PRDM8: variants seen among roughly 807,000 people sequenced by gnomAD.
PRDM8 encodes PR domain zinc finger protein 8.
In PRDM8, 13 loss-of-function variants were observed where a neutral mutation model predicts 46.5. That is an observed-to-expected ratio of 0.28 (90% CI 0.18 to 0.44). The LOEUF (loss-of-function observed/expected upper bound fraction) is 0.44. Ranked by LOEUF, PRDM8 falls within the 20% of genes least tolerant of loss-of-function variation. PRDM8 has a pLI of 1.00. For synonymous variants in PRDM8, 473 were observed against 438.4 expected, an observed-to-expected ratio of 1.08 and a Z score of -0.98; for missense variants, 998 against 955.0, an observed-to-expected ratio of 1.04 and a Z score of -0.59.
rs777299860 is a variant in PRDM8, at chr4:80,202,931, A to G, written c.1469A>G (p.Gln490Arg). The G allele has an allele frequency of 1.2e-5, 18 of 1,442,810 alleles. No homozygotes were observed. The South Asian group carries it at 2.2e-4, about 18-fold the overall frequency. 89.4% of individuals were successfully genotyped at this position (1,442,810 alleles called of 1,614,324 possible). The change falls in exon 4 of 4, where the codon CAG becomes CGG. Residue 490 changes from glutamine to arginine, a missense_variant. Coordinates refer to ENST00000415738, the MANE Select transcript of PRDM8 (RefSeq NM_001099403.2). ...GCCGCAGGCGGCGCGGGCGGGGGCCAGGGCGCCGCGTCGGACGAGCGCAAA... is the reference window on the plus strand; with the variant it reads ...GCCGCAGGCGGCGCGGGCGGGGGCCGGGGCGCCGCGTCGGACGAGCGCAAA... ...AGAAGGAGGG[Q>R]GAASDERKSA...
At chr4:80,186,029 C>T (rs908279801) in intron 1 of PRDM8, among the ~76,000 whole-genome samples, 1 of 152,112 alleles carries the variant, frequency 6.6e-6, no homozygotes, top group African/African-American at 2.4e-5. Flanking sequence ...AAGGAAAAGG[C>T]GCGCGGTACT....
chr4:80,193,128 T>A (rs558718531), upstream of PRDM8, among the ~76,000 whole-genome samples: 11 of 151,988 alleles, frequency 7.2e-5, no homozygotes, highest in Admixed American at 2.0e-4. Context: ...AAAGTATGAG[T>A]CAGAAGTAAT....
intron 1 of PRDM8, among the ~76,000 whole-genome samples, chr4:80,199,428 G>A (rs1738247844): frequency 6.6e-6 from 1 of 152,140 alleles, no homozygotes; most frequent in Non-Finnish European, 1.5e-5. Flanking sequence ...TTATGGTAAT[G>A]AGCAGACATA....
intron 1 of PRDM8, 50 bp downstream of exon 1, chr4:80,197,813 G>A: frequency 2.0e-6 from 2 of 977,310 alleles, no homozygotes; most frequent in Non-Finnish European, 2.4e-6. Flanking sequence ...AAGACAGTTT[G>A]GTGGAAAGAG....
At chr4:80,188,604 C>G (rs1737300000) in intron 1 of PRDM8, among the ~76,000 whole-genome samples, 1 of 152,202 alleles carries the variant, frequency 6.6e-6, no homozygotes, top group Non-Finnish European at 1.5e-5. Context: ...TGTTCAAAAT[C>G]CCAAATATCA....
chr4:80,200,239 C>G lies in PRDM8; in HGVS notation c.159C>G (p.Asp53Glu). The G allele has an allele frequency of 6.2e-7, 1 of 1,614,120 alleles. No individual in the cohort carries two copies. Among genetic ancestry groups the G allele is most frequent in the African/African-American group, 1.3e-5 (1 of 75,056 alleles). Residue 53 changes from aspartate (D) to glutamate (E), a missense_variant, in exon 2 of 4, where the codon GAC (aspartate) becomes GAG (glutamate). By Grantham distance (45) the Asp-to-Glu change is conservative. Transcript: ENST00000415738. The part of the protein sequence containing the change: ...PCVLSHTSLY[D>E]SIAFIALKST... The stretch of plus-strand genomic sequence containing the variant: ...TCCTGAGCCATACTTCCCTATATGA[C>G]AGCATAGCTTTCATAGCTCTCAAGT...
In PRDM8 at chr4:80,202,560, G is replaced by A. The variant is rs1222924303; in HGVS notation, c.1098G>A (p.Glu366=). 3.3e-6 allele frequency: 5 copies of A among 1,534,742 alleles called. No individual in the cohort carries two copies. The highest frequency in any genetic ancestry group is 2.0e-5 in the Admixed American group (1 of 50,962). The part of the protein sequence containing the change: ...RASGSYFGLE[E]NGRLFAPPSP... ...CGGGCAGCTACTTCGGCCTGGAAGAGAACGGCCGCCTCTTCGCGCCGCCAA... is the reference window on the plus strand; with the variant it reads ...CGGGCAGCTACTTCGGCCTGGAAGAAAACGGCCGCCTCTTCGCGCCGCCAA... Residue 366 remains glutamate (E), a synonymous_variant, in exon 4 of 4, where the codon GAG becomes GAA. Transcript: ENST00000415738.
At position 80,197,516 on chromosome 4, in the gene PRDM8, G is replaced by A. The variant is rs1321773585; in HGVS notation, c.-250G>A. 9.1e-6 allele frequency: 9 copies of A among 985,730 alleles called. No individual in the cohort carries two copies. Among genetic ancestry groups the A allele is most frequent in the Non-Finnish European group, 9.6e-6 (8 of 830,010 alleles). The allele number at this position is 985,730 out of a possible 1,614,324, so 61.1% of individuals were successfully genotyped here. On this transcript the variant is annotated 5_prime_UTR_variant, in exon 1 of 4. Coordinates refer to ENST00000415738, the MANE Select transcript of PRDM8 (RefSeq NM_001099403.2). Reference sequence around the variant, plus strand: ...TGCGTGCCAGTCAGTCACTGCATCGGGTCCATCTGTACAACTCTCTCCGTT... The same window carrying A: ...TGCGTGCCAGTCAGTCACTGCATCGAGTCCATCTGTACAACTCTCTCCGTT...
Position 80,191,784 on chromosome 4 carries a change from C to T in PRDM8, c.-885+215C>T, listed in dbSNP as rs143710472. Among the ~76,000 whole-genome samples, 1,135 of 152,256 alleles carry T rather than the reference C, an allele frequency of 7.5e-3. 5 individuals carry two copies. The highest frequency in any genetic ancestry group is 0.011 in the Non-Finnish European group (782 of 68,022). On this transcript the variant is annotated intron_variant, in intron 2 of 9. Coordinates refer to the PRDM8 transcript ENST00000339711. Reference sequence around the variant, plus strand: ...CCCCATTGATGCTAAATTAATACCCCTGGATTAAATCATAGAACACCTGGG... The same window carrying T: ...CCCCATTGATGCTAAATTAATACCCTTGGATTAAATCATAGAACACCTGGG...
intron 2 of PRDM8, 98 bp downstream of exon 2, chr4:80,200,397 T>G: frequency 9.3e-7 from 1 of 1,073,058 alleles, no homozygotes; most frequent in African/African-American, 1.6e-5. Context: ...AGGTTTTGCC[T>G]GTGGAAAAAT....
Position 80,203,306 on chromosome 4 carries a change from C to T in PRDM8, c.1844C>T (p.Ser615Phe). The T allele has an allele frequency of 6.2e-7, 1 of 1,612,346 alleles. No homozygotes were observed. Among genetic ancestry groups the T allele is most frequent in the Non-Finnish European group, 8.5e-7 (1 of 1,179,602 alleles). The change falls in exon 4 of 4, where the codon TCC becomes TTC. Residue 615 changes from serine (S) to phenylalanine (F), a missense_variant. Transcript: ENST00000415738. ...LPSALTLLPP[S>F]FTSLCLPAQN... ...TCGGCGCTCACGCTGCTGCCGCCCTCCTTCACCTCGCTGTGTCTGCCCGCG... is the reference window on the plus strand; with the variant it reads ...TCGGCGCTCACGCTGCTGCCGCCCTTCTTCACCTCGCTGTGTCTGCCCGCG...
chr4:80,203,691 G>A lies in PRDM8; in HGVS notation c.*159G>A. On this transcript the variant is annotated 3_prime_UTR_variant, in exon 4 of 4. Transcript: ENST00000415738. ...CCGCCCCCCCAACGCGCACACACAC[G>A]TCCTCTCCTCCCAGGAACCTCATTC... The A allele has an allele frequency of 1.7e-6, 2 of 1,203,822 alleles. No homozygotes were observed. Among genetic ancestry groups the A allele is most frequent in the Non-Finnish European group, 2.1e-6 (2 of 939,250 alleles). The allele number at this position is 1,203,822 out of a possible 1,614,324, so 74.6% of individuals were successfully genotyped here. A position where few individuals can be genotyped will look rare whatever the true frequency, so the allele number is the denominator to read the frequency against.
intron 1 of PRDM8, among the ~76,000 whole-genome samples, chr4:80,187,244 T>TGGGGG (rs1234830907): frequency 3.3e-5 from 3 of 89,990 alleles, no homozygotes; most frequent in African/African-American, 1.3e-4. Context: ...TTCTCTGCCC[T>TGGGGG]GGGGCGGGGG....
At chr4:80,197,792 G>C (rs201943371) in intron 1 of PRDM8, 29 bp downstream of exon 1, 4 of 984,756 alleles carry the variant, frequency 4.1e-6, no homozygotes, top group Non-Finnish European at 4.8e-6. Flanking sequence ...ATGTGGGAGG[G>C]GGATGGGAGG....
rs1292099355 is a variant in PRDM8, at chr4:80,202,015, G to C, written c.553G>C (p.Ala185Pro). 1.9e-6 allele frequency: 3 copies of C among 1,614,132 alleles called. 1 individual carries two copies. Among genetic ancestry groups the C allele is most frequent in the Middle Eastern group, 1.6e-4 (1 of 6,062 alleles). The change falls in exon 4 of 4, where the codon GCT becomes CCT. Residue 185 changes from alanine (A) to proline (P), a missense_variant. Ala to Pro is a conservative substitution (Grantham distance 27, BLOSUM62 -1). Transcript: ENST00000415738. ...RFRCPKRLHS[A>P]DISPQDEQGG... is the part of the protein sequence containing the mutation. The stretch of plus-strand genomic sequence containing the variant: ...CCGCTGCCCCAAGAGACTTCACAGC[G>C]CTGATATAAGTCCCCAAGACGAACA...
chr4:80,189,438 T>TG, intron 1 of PRDM8, among the ~76,000 whole-genome samples: 1 of 151,516 alleles, frequency 6.6e-6, no homozygotes, highest in Admixed American at 6.6e-5. Context: ...GGGTGGGAGG[T>TG]GCGCGGTGCG....
chr4:80,203,171 C>A lies in PRDM8; in HGVS notation c.1709C>A (p.Pro570His). Reference protein sequence around the residue: ...GSLPSGGGGLPKQSPFLYATA... With the variant: ...GSLPSGGGGLHKQSPFLYATA... ...CTGCCGAGCGGCGGCGGCGGCCTGC[C>A]TAAGCAGAGCCCCTTCCTGTACGCC... Residue 570 changes from proline (P) to histidine (H), a missense_variant, in exon 4 of 4, where the codon CCT (proline) becomes CAT (histidine). Pro to His is a moderately conservative substitution (Grantham distance 77). Transcript: ENST00000415738. 6.5e-7 allele frequency: 1 copy of A among 1,547,312 alleles called. No individual in the cohort carries two copies. Among genetic ancestry groups the A allele is most frequent in the Non-Finnish European group, 8.7e-7 (1 of 1,151,628 alleles).
chr4:80,197,984 G>A (rs1284627435), intron 1 of PRDM8, among the ~76,000 whole-genome samples: 1 of 152,248 alleles, frequency 6.6e-6, no homozygotes, highest in Non-Finnish European at 1.5e-5. Context: ...GCCAGACAAT[G>A]CCTGCCTAGA....
At position 80,197,709 on chromosome 4, in the gene PRDM8, T is replaced by G; in HGVS notation, c.-57T>G. 1.0e-6 allele frequency: 1 copy of G among 982,074 alleles called. No homozygotes were observed. Among genetic ancestry groups the G allele is most frequent in the Non-Finnish European group, 1.2e-6 (1 of 826,492 alleles). 60.8% of individuals were successfully genotyped at this position (982,074 alleles called of 1,614,324 possible). ...AGGCAAAAGGAAACACTCGATTGCA[T>G]CTTCCCGGTTCCAGGTGGCCTTATT... is the stretch of plus-strand genomic sequence containing the variant. On this transcript the variant is annotated 5_prime_UTR_variant, in exon 1 of 4. Transcript: ENST00000415738.
Sources: gnomAD v4.1 joint callset for allele counts (sites outside exome capture counted in the v4.1 genomes callset) on GRCh38, gnomAD v4.1.1 for gene constraint, MANE v1.5 for transcripts, NCBI Gene and HGNC (gene_info 2026-07-23, HGNC 2026-07-21) for gene names.